LIMD1: variants seen among roughly 807,000 people sequenced by gnomAD.
LIMD1 encodes LIM domain containing 1.
A neutral mutation model predicts 58.4 loss-of-function variants in LIMD1; 23 were observed. The observed-to-expected ratio is 0.39, with a 90% CI of 0.28 to 0.56. LIMD1 has a LOEUF of 0.56. LIMD1 is among the 20% of genes least tolerant of loss of function. The probability of loss-of-function intolerance (pLI) is 0.57; values close to 1 mark genes in which losing one functional copy is unlikely to be tolerated. For synonymous variants in LIMD1, 334 were observed against 345.5 expected, an observed-to-expected ratio of 0.97 and a Z score of 0.37; for missense variants, 838 against 855.5, an observed-to-expected ratio of 0.98 and a Z score of 0.25.
rs1420589646 is a variant in LIMD1, at chr3:45,595,796, C to T, written c.917C>T (p.Pro306Leu). Residue 306 changes from proline (P) to leucine (L), a missense_variant, in exon 1 of 8, where the codon CCC (proline) becomes CTC (leucine). This residue lies in a region of LIMD1 where 659 missense variants were observed against 639.8 expected (regional missense o/e 1.03). Coordinates refer to ENST00000273317, the MANE Select transcript of LIMD1 (RefSeq NM_014240.3). The part of the protein sequence containing the change: ...SVSAPLALSC[P>L]RQGGLPRSNS... ...TCAGCACCCTTGGCCCTGAGCTGCC[C>T]CAGGCAAGGAGGTCTTCCAAGATCA... 4.3e-6 allele frequency: 7 copies of T among 1,614,000 alleles called. No individual in the cohort carries two copies. Among genetic ancestry groups the T allele is most frequent in the African/African-American group, 1.3e-5 (1 of 74,926 alleles).
chr3:45,616,106 T>C (rs1461588239), intron 1 of LIMD1, among the ~76,000 whole-genome samples: 1 of 152,212 alleles, frequency 6.6e-6, no homozygotes, highest in South Asian at 2.1e-4. Flanking sequence ...TAAGAAACTT[T>C]CTGGGAGACT....
chr3:45,647,510 A>AG (rs1366891736), intron 2 of LIMD1, among the ~76,000 whole-genome samples: 2 of 152,152 alleles, frequency 1.3e-5, no homozygotes, highest in Admixed American at 6.5e-5. Context: ...CCCTGTGTTC[A>AG]GGGGCAGGGT....
At chr3:45,649,875 C>CT (rs1248140901) in intron 2 of LIMD1, among the ~76,000 whole-genome samples, 62 of 121,852 alleles carry the variant, frequency 5.1e-4, no homozygotes, top group Non-Finnish European at 6.1e-4. Context: ...TATTTTCTCC[C>CT]TTTTTTTTTT....
chr3:45,596,097 G>T lies in LIMD1; in HGVS notation c.1218G>T (p.Leu406=). 6.2e-7 allele frequency: 1 copy of T among 1,614,196 alleles called. No individual in the cohort carries two copies. Among genetic ancestry groups the T allele is most frequent in the South Asian group, 1.1e-5 (1 of 91,086 alleles). The change falls in exon 1 of 8, where the codon CTG becomes CTT. Residue 406 remains leucine, a synonymous_variant. Transcript: ENST00000273317. ...LPELSCKEGP[L]GWSSDGSLGS... ...AGTTATCTTGTAAAGAGGGTCCCCT[G>T]GGCTGGTCTTCTGATGGTAGCCTGG... is the stretch of plus-strand genomic sequence containing the variant.
Position 45,672,799 on chromosome 3 carries a change from A to T in LIMD1, c.1751A>T (p.Tyr584Phe), listed in dbSNP as rs148304013. ...PFTVDSENKI[Y>F]CVRDYHKVLA... ...ACCGTGGACTCAGAGAACAAGATCTACTGTGTCCGAGATTACCACAAGTAA... is the reference window on the plus strand; with the variant it reads ...ACCGTGGACTCAGAGAACAAGATCTTCTGTGTCCGAGATTACCACAAGTAA... Residue 584 changes from tyrosine (Y) to phenylalanine (F), a missense_variant, in exon 5 of 8, where the codon TAC becomes TTC. Transcript: ENST00000273317. The T allele has an allele frequency of 1.2e-6, 2 of 1,613,794 alleles. No individual in the cohort carries two copies. Among genetic ancestry groups the T allele is most frequent in the Non-Finnish European group, 1.7e-6 (2 of 1,179,896 alleles).
chr3:45,672,552 T>C, intron 4 of LIMD1, 138 bp from the exon 5 acceptor site: 1 of 931,208 alleles, frequency 1.1e-6, no homozygotes, highest in Non-Finnish European at 1.6e-6. Flanking sequence ...CCTCTTGCTC[T>C]TCTCCTAGGT....
chr3:45,668,909 C>G (rs2125669662), intron 4 of LIMD1, among the ~76,000 whole-genome samples: 1 of 152,348 alleles, frequency 6.6e-6, no homozygotes, highest in South Asian at 2.1e-4. Flanking sequence ...TTGAATCGCA[C>G]TGGCCTCCCT....
rs1289265932 is a variant in LIMD1, at chr3:45,674,545, G to C, written c.1893+134G>C. 4.6e-6 allele frequency: 3 copies of C among 657,996 alleles called. No individual in the cohort carries two copies. The African/African-American group carries it at 5.4e-5, about 12-fold the overall frequency. The allele number at this position is 657,996 out of a possible 1,614,324, so 40.8% of individuals were successfully genotyped here. A position where few individuals can be genotyped will look rare whatever the true frequency, so the allele number is the denominator to read the frequency against. On this transcript the variant is annotated intron_variant, in intron 7 of 7. Transcript: ENST00000273317. ...GCCCTCTAGAGCTTCTGTAGGAAAT[G>C]GAATGAAGGCTGGTTCTTGGGGGAG...
At chr3:45,623,837 C>T (rs1003107947) in intron 1 of LIMD1, among the ~76,000 whole-genome samples, 1 of 152,174 alleles carries the variant, frequency 6.6e-6, no homozygotes, top group Non-Finnish European at 1.5e-5. Context: ...TTTGGCCTTA[C>T]CCCCAAAACG....
chr3:45,674,962 G>T (rs1697649118), intron 7 of LIMD1, among the ~76,000 whole-genome samples: 1 of 152,206 alleles, frequency 6.6e-6, no homozygotes, highest in South Asian at 2.1e-4. Flanking sequence ...AAAGCTAGAG[G>T]TTGCCCCTCA....
chr3:45,632,287 A>C (rs550540546), intron 1 of LIMD1, among the ~76,000 whole-genome samples: 2 of 152,098 alleles, frequency 1.3e-5, no homozygotes, highest in South Asian at 4.1e-4. Flanking sequence ...CAATAACCTA[A>C]CTCATATCTT....
intron 1 of LIMD1, among the ~76,000 whole-genome samples, chr3:45,628,473 C>T (rs967038818): frequency 6.6e-6 from 1 of 152,156 alleles, no homozygotes; most frequent in Non-Finnish European, 1.5e-5. Context: ...TAACCTATTA[C>T]AATAGAATGG....
At position 45,684,176 on chromosome 3, in the gene LIMD1, T is replaced by C. The variant is rs1314209375; in HGVS notation, c.*7117T>C. ...TAGATGTGTGACACTTCTAGGAGAATCTCTGGCTATGTGGATACGTCCAGG... is the reference window on the plus strand; with the variant it reads ...TAGATGTGTGACACTTCTAGGAGAACCTCTGGCTATGTGGATACGTCCAGG... On this transcript the variant is annotated 3_prime_UTR_variant, in exon 8 of 8. Transcript: ENST00000273317. The C allele has an allele frequency of 6.6e-6, 1 of 152,226 alleles. No homozygotes were observed. Among genetic ancestry groups the C allele is most frequent in the Non-Finnish European group, 1.5e-5 (1 of 68,056 alleles). 9.4% of individuals were successfully genotyped at this position (152,226 alleles called of 1,614,324 possible).
chr3:45,636,295 G>T, intron 2 of LIMD1, 44 bp downstream of exon 2: 1 of 1,373,182 alleles, frequency 7.3e-7, no homozygotes, highest in Non-Finnish European at 1.0e-6. Context: ...GATGCGTAAG[G>T]AACATGGGAA....
At chr3:45,656,870 A>C (rs1438186765) in intron 2 of LIMD1, among the ~76,000 whole-genome samples, 1 of 152,192 alleles carries the variant, frequency 6.6e-6, no homozygotes, top group Non-Finnish European at 1.5e-5. Context: ...AAGATTAATG[A>C]AATGACTCAA....
chr3:45,595,240 G>A lies in LIMD1; in HGVS notation c.361G>A (p.Ala121Thr). The change falls in exon 1 of 8, where the codon GCT becomes ACT. Residue 121 changes from alanine to threonine, a missense_variant. By Grantham distance (58) the Ala-to-Thr change is moderately conservative. Coordinates refer to ENST00000273317, the MANE Select transcript of LIMD1 (RefSeq NM_014240.3). ...GGCACCTGGGGCAGTCACCACCCTC[G>A]CTGCTGGGCAGCCCCCGTACCCACC... ...TGAPGAVTTL[A>T]AGQPPYPPQE... is the part of the protein sequence containing the mutation. 6.2e-6 allele frequency: 10 copies of A among 1,604,232 alleles called. No individual in the cohort carries two copies. The highest frequency in any genetic ancestry group is 8.5e-6 in the Non-Finnish European group (10 of 1,175,018).
chr3:45,631,270 C>A (rs1354714316), intron 1 of LIMD1, among the ~76,000 whole-genome samples: 3 of 151,612 alleles, frequency 2.0e-5, no homozygotes, highest in Non-Finnish European at 4.4e-5. Context: ...ATATACTGCA[C>A]TCCAGCCTGG....
chr3:45,633,991 A>G (rs1225924117), intron 1 of LIMD1, among the ~76,000 whole-genome samples: 4 of 152,198 alleles, frequency 2.6e-5, no homozygotes, highest in African/African-American at 9.7e-5. Context: ...CCTCCTGACC[A>G]AAGGATGCCA....
chr3:45,661,327 T>G (rs988466789), intron 2 of LIMD1, among the ~76,000 whole-genome samples: 5 of 152,178 alleles, frequency 3.3e-5, no homozygotes, highest in African/African-American at 1.2e-4. Flanking sequence ...TATATGTGAG[T>G]GTGTTCATAA....
Sources: allele counts gnomAD v4.1 joint callset (sites outside exome capture counted in the v4.1 genomes callset), GRCh38; gene constraint gnomAD v4.1.1; regional missense constraint gnomAD v4.1.1; transcripts MANE v1.5; gene names NCBI Gene and HGNC (gene_info 2026-07-23, HGNC 2026-07-21).